The following MAMLD1 variants were observed in gnomAD, a reference collection of about 807,000 sequenced individuals.
MAMLD1 encodes mastermind like domain containing 1.
A neutral mutation model predicts 45.0 loss-of-function variants in MAMLD1; 14 were observed. The observed-to-expected ratio is 0.31, with a 90% confidence interval of 0.21 to 0.49. The LOEUF (loss-of-function observed/expected upper bound fraction) is 0.49. Ranked by LOEUF, MAMLD1 falls within the 20% of genes least tolerant of loss-of-function variation. MAMLD1 has a pLI of 0.99. For missense variants in MAMLD1, 543 were observed against 603.6 expected, an observed-to-expected ratio of 0.90 and a Z score of 1.05; for synonymous variants, 254 against 247.8, an observed-to-expected ratio of 1.02 and a Z score of -0.24.
At chrX:150,481,986 AAGAAAG>A (rs1275165731) in intron 5 of MAMLD1, among the ~76,000 whole-genome samples, 1 of 100,738 alleles carries the variant, frequency 9.9e-6, no homozygotes, top group African/African-American at 3.8e-5. Flanking sequence ...GAAAGAAAGA[AAGAAAG>A]AAAGAAAGAA....
At chrX:150,420,748 TC>T (rs781954999) in intron 1 of MAMLD1, among the ~76,000 whole-genome samples, 2 of 112,623 alleles carry the variant, frequency 1.8e-5, no homozygotes, top group Admixed American at 1.9e-4. Flanking sequence ...GTTAGGCTGC[TC>T]GGGGGTCAGG....
chrX:150,489,477 T>TC (rs782022812), intron 5 of MAMLD1, among the ~76,000 whole-genome samples: 4 of 109,817 alleles, frequency 3.6e-5, no homozygotes, highest in Admixed American at 1.9e-4. Context: ...AGGTCTTGCC[T>TC]CCTAATGACA....
At chrX:150,511,757 T>A (rs1317985462) in intron 7 of MAMLD1, among the ~76,000 whole-genome samples, 5 of 112,147 alleles carry the variant, frequency 4.5e-5, no homozygotes, top group African/African-American at 1.6e-4. Context: ...TTCAGTCCAG[T>A]GTGATCTGCT....
intron 1 of MAMLD1, among the ~76,000 whole-genome samples, chrX:150,385,277 TACACACACAC>T (rs3066918): frequency 1.1e-4 from 10 of 94,045 alleles, no homozygotes; most frequent in African/African-American, 2.8e-4. Flanking sequence ...TGAACAATAC[TACACACACAC>T]ACACACACAC....
intron 6 of MAMLD1, chrX:150,504,788 C>A: frequency 1.3e-6 from 1 of 753,037 alleles, no homozygotes; most frequent in Non-Finnish European, 1.6e-6. Flanking sequence ...GATTTGTGGC[C>A]CCAAATCTTC....
At chrX:150,365,139 C>G (rs1374204880) in intron 1 of MAMLD1, among the ~76,000 whole-genome samples, 1 of 104,167 alleles carries the variant, frequency 9.6e-6, no homozygotes, top group Non-Finnish European at 2.0e-5. Flanking sequence ...GCCAACAATC[C>G]GCTTTATAAA....
At chrX:150,449,384 G>A (rs928142102) in intron 2 of MAMLD1, among the ~76,000 whole-genome samples, 6 of 111,185 alleles carry the variant, frequency 5.4e-5, no homozygotes, top group Non-Finnish European at 1.1e-4. Flanking sequence ...GTGTAACAGC[G>A]TATGTGGACA....
At chrX:150,398,252 G>A (rs12842274) in intron 1 of MAMLD1, among the ~76,000 whole-genome samples, 36 of 40,757 alleles carry the variant, frequency 8.8e-4, no homozygotes, top group Non-Finnish European at 1.3e-3. Flanking sequence ...GGAGGAGAAG[G>A]AGAAGAAGAA....
intron 5 of MAMLD1, among the ~76,000 whole-genome samples, chrX:150,487,718 G>A (rs1557407704): frequency 8.9e-6 from 1 of 111,783 alleles, no homozygotes; most frequent in Non-Finnish European, 1.9e-5. Context: ...GTCCTCCAAG[G>A]AGCCTCCTCT....
chrX:150,441,056 T>C (rs1025402804), intron 1 of MAMLD1, among the ~76,000 whole-genome samples: 7 of 104,410 alleles, frequency 6.7e-5, no homozygotes, highest in Non-Finnish European at 7.8e-5. Context: ...ATATTATTAA[T>C]ATTATGTTTA....
intron 1 of MAMLD1, among the ~76,000 whole-genome samples, chrX:150,369,856 TA>T (rs1569564321): frequency 9.1e-6 from 1 of 109,541 alleles, no homozygotes; most frequent in African/African-American, 3.3e-5. Flanking sequence ...TGTTTTTTTT[TA>T]AATCACATTT....
chrX:150,497,274 CT>C (rs1358464647), intron 5 of MAMLD1, among the ~76,000 whole-genome samples: 5 of 95,901 alleles, frequency 5.2e-5, no homozygotes, highest in South Asian at 4.8e-4. Flanking sequence ...AAATTTTTTT[CT>C]TTTTTTTCTT....
chrX:150,372,930 G>C (rs1301127402), intron 1 of MAMLD1, among the ~76,000 whole-genome samples: 2 of 111,649 alleles, frequency 1.8e-5, no homozygotes, highest in African/African-American at 6.5e-5. Flanking sequence ...GTTAGTTTTG[G>C]AGTATGACTG....
At position 150,382,890 on chromosome X, in the gene MAMLD1, T is replaced by TA. The variant is rs2032704779; in HGVS notation, c.-64+19360_-64+19361insA. ...ATTTTGTCCCATTTTATTTTATTTT[T>TA]TTTTTTTTTTATTTTTTATTTTTTT... On this transcript the variant is annotated intron_variant, in intron 1 of 7. Coordinates refer to ENST00000370401, the MANE Select transcript of MAMLD1 (RefSeq NM_005491.5). Among the ~76,000 whole-genome samples, 2 of 33,173 alleles carry TA rather than the reference T, an allele frequency of 6.0e-5. 1 individual carries two copies. The highest frequency in any genetic ancestry group is 6.3e-4 in the African/African-American group (2 of 3,191). 28.8% of individuals were successfully genotyped at this position (33,173 alleles called of 115,157 possible).
intron 1 of MAMLD1, among the ~76,000 whole-genome samples, chrX:150,404,098 G>A (rs2033940649): frequency 9.2e-6 from 1 of 108,627 alleles, no homozygotes; most frequent in African/African-American, 3.4e-5. Context: ...GGAAGGGCAA[G>A]GCAGATCAGC....
At chrX:150,401,797 T>C (rs1484538867) in intron 1 of MAMLD1, among the ~76,000 whole-genome samples, 5 of 110,512 alleles carry the variant, frequency 4.5e-5, no homozygotes, top group East Asian at 2.9e-4. Context: ...CTTTGACAAA[T>C]CTGAGAAAAA....
intron 5 of MAMLD1, among the ~76,000 whole-genome samples, chrX:150,476,759 G>A (rs781927738): frequency 1.8e-5 from 2 of 113,169 alleles, no homozygotes; most frequent in African/African-American, 6.4e-5. Context: ...CCTTGGAGAA[G>A]GCTGGATTAA....
chrX:150,415,841 C>CA (rs2034235574), intron 1 of MAMLD1, among the ~76,000 whole-genome samples: 1 of 111,784 alleles, frequency 8.9e-6, no homozygotes, highest in African/African-American at 3.3e-5. Flanking sequence ...GGAATTGGAG[C>CA]AAAAAAGGCT....
At chrX:150,461,725 C>T (rs1189142320) in intron 2 of MAMLD1, among the ~76,000 whole-genome samples, 7 of 111,505 alleles carry the variant, frequency 6.3e-5, no homozygotes, top group African/African-American at 2.0e-4. Context: ...GGAAGCCACA[C>T]ATGGAGTTTT....
Sources: allele counts gnomAD v4.1 joint callset (sites outside exome capture counted in the v4.1 genomes callset), GRCh38; gene constraint gnomAD v4.1.1; transcripts MANE v1.5; gene names NCBI Gene and HGNC (gene_info 2026-07-23, HGNC 2026-07-21).